Variants in CNTNAP2 observed in about 807,000 individuals in gnomAD.
CNTNAP2 encodes contactin associated protein 2, also known as contactin-associated protein-like 2.
In CNTNAP2, 98 loss-of-function variants were observed where a neutral mutation model predicts 155.2. The ratio of observed to expected loss-of-function variants is 0.63; its 90% confidence interval spans 0.54 to 0.75. The LOEUF (loss-of-function observed/expected upper bound fraction) is 0.75, where lower values mean the gene tolerates loss of function less well. Ranked by LOEUF, CNTNAP2 falls within the 30% of genes least tolerant of loss-of-function variation. The pLI is 0.00. For missense variants in CNTNAP2, 1,727 were observed against 1,688.1 expected, an observed-to-expected ratio of 1.02 and a Z score of -0.40; for synonymous variants, 651 against 631.2, an observed-to-expected ratio of 1.03 and a Z score of -0.47.
chr7:146,251,527 T>C (rs1799756740), intron 1 of CNTNAP2, among the ~76,000 whole-genome samples: 1 of 152,218 alleles, frequency 6.6e-6, no homozygotes, highest in African/African-American at 2.4e-5. Flanking sequence ...TTTTGAAGAC[T>C]GATATTCTAA....
In CNTNAP2 at chr7:146,399,065, C is replaced by A. The variant is rs6945552; in HGVS notation, c.97+282092C>A. 2.4e-3 allele frequency among the ~76,000 whole-genome samples: 308 copies of A among 126,492 alleles called. 1 individual carries two copies. Among genetic ancestry groups the A allele is most frequent in the African/African-American group, 0.012 (291 of 24,806 alleles). 83.0% of individuals were successfully genotyped at this position (126,492 alleles called of 152,430 possible). A position where few individuals can be genotyped will look rare whatever the true frequency, so the allele number is the denominator to read the frequency against. ...ATTTTCTTTTTCCTTTCTTTAAGAA[C>A]GTTTTGACAAATAAACATATATATT... is the stretch of plus-strand genomic sequence containing the variant. On this transcript the variant is annotated intron_variant, in intron 1 of 23. Coordinates refer to ENST00000361727, the MANE Select transcript of CNTNAP2 (RefSeq NM_014141.6).
At chr7:147,292,313 T>C (rs1805332458) in intron 8 of CNTNAP2, among the ~76,000 whole-genome samples, 1 of 152,220 alleles carries the variant, frequency 6.6e-6, no homozygotes, top group Non-Finnish European at 1.5e-5. Context: ...TTAAATTGTC[T>C]TGGTGCCTTT....
intron 21 of CNTNAP2, among the ~76,000 whole-genome samples, chr7:148,339,974 A>AGTGT (rs10603520): frequency 0.2 from 28,239 of 144,672 alleles, 3,182 homozygotes; most frequent in East Asian, 0.49. Context: ...TCCTTCGTGC[A>AGTGT]GTGTGTGTGT....
intron 8 of CNTNAP2, among the ~76,000 whole-genome samples, chr7:147,277,017 C>A (rs190669328): frequency 6.6e-6 from 1 of 151,978 alleles, no homozygotes; most frequent in South Asian, 2.1e-4. Flanking sequence ...GACAAAGCCA[C>A]GGTGCCTCCA....
intron 1 of CNTNAP2, among the ~76,000 whole-genome samples, chr7:146,399,791 A>G (rs1166627588): frequency 6.6e-6 from 1 of 152,174 alleles, no homozygotes; most frequent in Non-Finnish European, 1.5e-5. Context: ...TTAACAGTGT[A>G]CAGGGCTCCC....
intron 23 of CNTNAP2, 87 bp downstream of exon 23, chr7:148,409,558 A>T (rs1799779597): frequency 5.2e-6 from 6 of 1,159,986 alleles, no homozygotes; most frequent in Non-Finnish European, 7.8e-6. Context: ...TAGGAAAAAA[A>T]GTTTTCTAGG....
intron 15 of CNTNAP2, among the ~76,000 whole-genome samples, chr7:148,098,028 TA>T (rs1394748735): frequency 2.0e-5 from 3 of 152,062 alleles, no homozygotes; most frequent in Non-Finnish European, 4.4e-5. Flanking sequence ...CTTCTTTGAG[TA>T]GGTGGCAGTG....
intron 3 of CNTNAP2, among the ~76,000 whole-genome samples, chr7:146,892,186 T>A (rs1795791978): frequency 6.6e-6 from 1 of 152,168 alleles, no homozygotes; most frequent in Non-Finnish European, 1.5e-5. Context: ...GCTGGCAAGT[T>A]GATGCTGTTA....
chr7:147,117,388 G>T (rs1452326209), intron 5 of CNTNAP2, among the ~76,000 whole-genome samples: 1 of 152,144 alleles, frequency 6.6e-6, no homozygotes, highest in African/African-American at 2.4e-5. Context: ...CCTTGGCAGG[G>T]GTTGGGGGTT....
intron 21 of CNTNAP2, among the ~76,000 whole-genome samples, chr7:148,350,038 A>T (rs1005399624): frequency 6.6e-6 from 1 of 152,162 alleles, no homozygotes; most frequent in African/African-American, 2.4e-5. Flanking sequence ...TGGATGATGG[A>T]TGGTGGGGAG....
chr7:147,159,250 G>A (rs527283510), intron 8 of CNTNAP2, among the ~76,000 whole-genome samples: 9 of 152,138 alleles, frequency 5.9e-5, no homozygotes, highest in African/African-American at 1.9e-4. Flanking sequence ...TTATTCTATC[G>A]AGATCTATTA....
At chr7:148,382,632 G>A (rs1018124249) in intron 21 of CNTNAP2, among the ~76,000 whole-genome samples, 6 of 152,214 alleles carry the variant, frequency 3.9e-5, no homozygotes, top group Admixed American at 3.3e-4. Context: ...GTCCCCCACA[G>A]CACCCTGCCT....
chr7:147,335,691 A>T (rs927996683), intron 9 of CNTNAP2, among the ~76,000 whole-genome samples: 2 of 152,038 alleles, frequency 1.3e-5, no homozygotes, highest in South Asian at 4.1e-4. Flanking sequence ...AGAGGGTAAC[A>T]TTTTTCTTCG....
intron 1 of CNTNAP2, among the ~76,000 whole-genome samples, chr7:146,200,386 C>G (rs533668658): frequency 1.3e-5 from 2 of 151,860 alleles, no homozygotes; most frequent in African/African-American, 4.8e-5. Flanking sequence ...CTCAGCTGCT[C>G]GGGAGGCTGA....
At position 148,415,325 on chromosome 7, in the gene CNTNAP2, CTG is replaced by C. The variant is rs1378138807; in HGVS notation, c.3797-88_3797-87del. 33 of 1,270,452 alleles carry C rather than the reference CTG, an allele frequency of 2.6e-5. 1 individual carries two copies. The South Asian group carries it at 3.7e-4, about 14-fold the overall frequency. 78.7% of individuals were successfully genotyped at this position (1,270,452 alleles called of 1,614,324 possible). A position where few individuals can be genotyped will look rare whatever the true frequency, so the allele number is the denominator to read the frequency against. Reference sequence around the variant, plus strand: ...AGGTTGTGTTTTATATGGGAGAGGGCTGTGTCTGACGGAGCTGTAGTGAAGTG... The same window carrying C: ...AGGTTGTGTTTTATATGGGAGAGGGCTGTCTGACGGAGCTGTAGTGAAGTG... On this transcript the variant is annotated intron_variant, in intron 23 of 23. Transcript: ENST00000361727.
intron 1 of CNTNAP2, among the ~76,000 whole-genome samples, chr7:146,130,202 G>A (rs770105780): frequency 5.3e-5 from 8 of 152,284 alleles, no homozygotes; most frequent in East Asian, 1.9e-4. Flanking sequence ...TGGCTCATGC[G>A]TATTATCCCA....
chr7:148,134,965 C>A (rs935138220), intron 16 of CNTNAP2, among the ~76,000 whole-genome samples: 1 of 151,894 alleles, frequency 6.6e-6, no homozygotes, highest in Non-Finnish European at 1.5e-5. Context: ...AGGGTACATA[C>A]TGTTTTGTAA....
chr7:147,130,650 A>G (rs975009585), intron 7 of CNTNAP2, among the ~76,000 whole-genome samples: 2 of 152,144 alleles, frequency 1.3e-5, no homozygotes, highest in African/African-American at 4.8e-5. Context: ...CCCTGCAAAG[A>G]CAAGTGTTTA....
intron 21 of CNTNAP2, among the ~76,000 whole-genome samples, chr7:148,355,993 A>G (rs1798505727): frequency 6.6e-6 from 1 of 152,324 alleles, no homozygotes; most frequent in Middle Eastern, 3.4e-3. Context: ...TGGCTTCCTC[A>G]TCTGTAATAA....
Sources: gnomAD v4.1 joint callset for allele counts (sites outside exome capture counted in the v4.1 genomes callset) on GRCh38, gnomAD v4.1.1 for gene constraint, MANE v1.5 for transcripts, NCBI Gene and HGNC (gene_info 2026-07-23, HGNC 2026-07-21) for gene names.